The following LPXN variants were observed in gnomAD, a reference collection of about 807,000 sequenced individuals.
LPXN encodes the protein leupaxin.
In LPXN, 28 loss-of-function variants were observed where a neutral mutation model predicts 45.6. That is an observed-to-expected ratio of 0.61 (90% CI 0.45 to 0.84). The LOEUF (loss-of-function observed/expected upper bound fraction) is 0.84. Ranked by LOEUF, LPXN falls within the 40% of genes least tolerant of loss-of-function variation. LPXN has a pLI of 0.00. For synonymous variants in LPXN, 166 were observed against 169.9 expected (o/e 0.98, Z 0.18); for missense variants, 459 against 475.0 (o/e 0.97, Z 0.31).
chr11:58,577,918 G>T (rs542411067), upstream of LPXN: 1 of 1,309,234 alleles, frequency 7.6e-7, no homozygotes, highest in African/African-American at 1.5e-5. Context: ...AGAGCCAACT[G>T]AGTAGTGGGC....
Position 58,554,836 on chromosome 11 carries a change from C to T in LPXN, c.318+5G>A. 1 of 1,607,488 alleles carries T rather than the reference C, an allele frequency of 6.2e-7. No individual in the cohort carries two copies. The highest frequency in any genetic ancestry group is 8.5e-7 in the Non-Finnish European group (1 of 1,174,826). On this transcript the variant is annotated splice_donor_5th_base_variant and intron_variant, in intron 4 of 8. Coordinates refer to ENST00000395074, the MANE Select transcript of LPXN (RefSeq NM_004811.3). Reference sequence around the variant, plus strand: ...TGGCCTGCACTCACCTTGGCCTGCACTCACCTTGGCCTGCATCTCAGTCAG... The same window carrying T: ...TGGCCTGCACTCACCTTGGCCTGCATTCACCTTGGCCTGCATCTCAGTCAG...
At chr11:58,541,807 T>C (rs1400538902) in intron 7 of LPXN, among the ~76,000 whole-genome samples, 2 of 151,778 alleles carry the variant, frequency 1.3e-5, no homozygotes, top group South Asian at 2.1e-4. Context: ...CCAACAATGA[T>C]AGACTGGATT....
chr11:58,533,022 C>G (rs1853442823), intron 7 of LPXN, among the ~76,000 whole-genome samples: 1 of 152,092 alleles, frequency 6.6e-6, no homozygotes, highest in Non-Finnish European at 1.5e-5. Context: ...AGACGCACCG[C>G]CTTAAGAGCT....
chr11:58,574,236 G>T (rs1211680058), intron 1 of LPXN, among the ~76,000 whole-genome samples: 1 of 152,198 alleles, frequency 6.6e-6, no homozygotes, highest in Middle Eastern at 3.2e-3. Flanking sequence ...CATTTAGCCT[G>T]CTCAGGAGAT....
At chr11:58,529,646 A>C (rs559012172) in intron 7 of LPXN, among the ~76,000 whole-genome samples, 1 of 152,072 alleles carries the variant, frequency 6.6e-6, no homozygotes, top group African/African-American at 2.4e-5. Flanking sequence ...AAAATGGAAA[A>C]ACATGAATCC....
At chr11:58,574,869 G>A (rs1445379694) in intron 1 of LPXN, among the ~76,000 whole-genome samples, 2 of 152,074 alleles carry the variant, frequency 1.3e-5, no homozygotes, top group Admixed American at 1.3e-4. Flanking sequence ...GTAACAATGT[G>A]CAAGATATTT....
At chr11:58,571,048 A>G (rs918411995) in intron 1 of LPXN, among the ~76,000 whole-genome samples, 1 of 152,210 alleles carries the variant, frequency 6.6e-6, no homozygotes, top group Non-Finnish European at 1.5e-5. Context: ...TAATTAGAAA[A>G]AAATAAAACT....
rs544035392 is a variant in LPXN at position 58,532,474 on chromosome 11, C to T, written c.743-4283G>A. Among the ~76,000 whole-genome samples the T allele has an allele frequency of 2.2e-4, 33 of 152,360 alleles. No homozygotes were observed. The South Asian group carries it at 6.8e-3, about 32-fold the overall frequency. ...GATTGTAAATGCACCAATCAGCACT[C>T]TGTGTCTGGCTCAGGGATTGTAAAT... On this transcript the variant is annotated intron_variant, in intron 7 of 8. Coordinates refer to ENST00000395074, the MANE Select transcript of LPXN (RefSeq NM_004811.3).
intron 2 of LPXN, among the ~76,000 whole-genome samples, chr11:58,565,088 T>C (rs984157789): frequency 2.6e-5 from 4 of 152,184 alleles, no homozygotes; most frequent in Non-Finnish European, 5.9e-5. Context: ...GAATGGGGTA[T>C]TTTTTAGAAA....
intron 7 of LPXN, among the ~76,000 whole-genome samples, chr11:58,538,306 C>A (rs1165764350): frequency 6.6e-6 from 1 of 152,020 alleles, no homozygotes; most frequent in African/African-American, 2.4e-5. Context: ...GGTGGCTGGG[C>A]CAAATGGTAT....
intron 4 of LPXN, among the ~76,000 whole-genome samples, chr11:58,553,394 C>A (rs1854110385): frequency 6.9e-6 from 1 of 144,402 alleles, no homozygotes; most frequent in Non-Finnish European, 1.5e-5. Context: ...TCAACCAATA[C>A]ACAAGCTAAA....
chr11:58,564,882 T>G (rs909582846), intron 2 of LPXN, among the ~76,000 whole-genome samples: 4 of 151,930 alleles, frequency 2.6e-5, no homozygotes, highest in Non-Finnish European at 4.4e-5. Context: ...CAAGGACTTA[T>G]ATAGGAGGTG....
intron 7 of LPXN, among the ~76,000 whole-genome samples, chr11:58,531,350 G>C (rs142296345): frequency 0.03 from 4,529 of 152,108 alleles, 223 homozygotes; most frequent in African/African-American, 0.1. Context: ...AACCAGTTTA[G>C]AGAAGAACAT....
At chr11:58,558,229 T>C (rs926793022) in intron 3 of LPXN, among the ~76,000 whole-genome samples, 5 of 151,340 alleles carry the variant, frequency 3.3e-5, no homozygotes, top group African/African-American at 1.2e-4. Context: ...GTAACAATAA[T>C]TAAATTTGTA....
intron 3 of LPXN, among the ~76,000 whole-genome samples, chr11:58,555,362 T>C (rs1237205047): frequency 6.6e-6 from 1 of 152,360 alleles, no homozygotes; most frequent in Non-Finnish European, 1.5e-5. Context: ...ACAAACTTAC[T>C]ATCTGCCTCT....
intron 1 of LPXN, among the ~76,000 whole-genome samples, chr11:58,575,526 C>T (rs193284266): frequency 1.1e-4 from 17 of 152,342 alleles, no homozygotes; most frequent in Non-Finnish European, 1.2e-4. Flanking sequence ...GTTTATTCCG[C>T]GGTTAGCACC....
chr11:58,546,336 T>C (rs867868847), intron 7 of LPXN, among the ~76,000 whole-genome samples: 1 of 152,196 alleles, frequency 6.6e-6, no homozygotes, highest in African/African-American at 2.4e-5. Flanking sequence ...CATTAGAAAG[T>C]TAGATGCCTT....
chr11:58,536,093 T>C (rs1853545062), intron 7 of LPXN, among the ~76,000 whole-genome samples: 1 of 152,192 alleles, frequency 6.6e-6, no homozygotes, highest in South Asian at 2.1e-4. Context: ...CCCAAAGTAA[T>C]TTATGCATTC....
intron 7 of LPXN, among the ~76,000 whole-genome samples, chr11:58,542,876 T>C (rs1172424389): frequency 6.6e-6 from 1 of 152,234 alleles, no homozygotes; most frequent in East Asian, 1.9e-4. Context: ...TTTAGGTTAA[T>C]AGGGTAATAA....
Sources: allele counts gnomAD v4.1 joint callset (sites outside exome capture counted in the v4.1 genomes callset), GRCh38; gene constraint gnomAD v4.1.1; transcripts MANE v1.5; gene names NCBI Gene and HGNC (gene_info 2026-07-23, HGNC 2026-07-21).